The following NOTCH1 variants were observed in gnomAD, a reference collection of about 807,000 sequenced individuals.
NOTCH1 encodes the protein notch receptor 1.
A neutral mutation model predicts 254.8 loss-of-function variants in NOTCH1; 37 were observed. That is an observed-to-expected ratio of 0.15 (90% confidence interval 0.11 to 0.19). The LOEUF (loss-of-function observed/expected upper bound fraction) is 0.19, where lower values mean the gene tolerates loss of function less well. Among genes scored for constraint, NOTCH1 ranks in the 10% least tolerant of loss-of-function variants. The pLI, the probability that NOTCH1 is intolerant of heterozygous loss-of-function variation, is 1.00. For synonymous variants in NOTCH1, 1,731 were observed against 1,618.1 expected, an observed-to-expected ratio of 1.07 and a Z score of -1.68; for missense variants, 2,972 against 3,708.6, an observed-to-expected ratio of 0.80 and a Z score of 5.16.
chr9:136,511,876 C>G (rs1189434658), intron 15 of NOTCH1, among the ~76,000 whole-genome samples: 1 of 152,210 alleles, frequency 6.6e-6, no homozygotes, highest in Non-Finnish European at 1.5e-5. Context: ...CTGGCAAAGG[C>G]TATGTGGGAA....
chr9:136,510,643 G>T lies in NOTCH1; in HGVS notation c.2740+10C>A, dbSNP rs2133352818. 6.2e-7 allele frequency: 1 copy of T among 1,602,600 alleles called. No homozygotes were observed. The highest frequency in any genetic ancestry group is 8.5e-7 in the Non-Finnish European group (1 of 1,178,172). ...TTCCTGGAGGAGGCCAGAGCCGCGG[G>T]GCTACTCACTGGGCCGGCAGTCGTC... On this transcript the variant is annotated intron_variant, in intron 17 of 33. Coordinates refer to ENST00000651671, the MANE Select transcript of NOTCH1 (RefSeq NM_017617.5).
chr9:136,507,894 G>A, intron 21 of NOTCH1, 61 bp downstream of exon 21: 1 of 1,560,874 alleles, frequency 6.4e-7, no homozygotes, highest in South Asian at 1.1e-5. Flanking sequence ...CTCCCAGCCA[G>A]GGCCTGGTGT....
rs199912866 is a variant in NOTCH1 at position 136,509,882 on chromosome 9, A to T, written c.2820T>A (p.Thr940=). 5.6e-6 allele frequency: 9 copies of T among 1,613,178 alleles called. No individual in the cohort carries two copies. The East Asian group carries it at 2.0e-4, about 36-fold the overall frequency. ...ACTCGTTGATGTCCTCCTCACAGAA[A>T]GTGCCCCGGAAGCCGGGCAGGCAGT... ...FCDCLPGFRG[T]FCEEDINECA... is the part of the protein sequence containing the mutation. Residue 940 remains threonine (T), a synonymous_variant, in exon 18 of 34, where the codon ACT becomes ACA. Coordinates refer to ENST00000651671, the MANE Select transcript of NOTCH1 (RefSeq NM_017617.5).
At chr9:136,525,703 T>G (rs1199413891) in intron 2 of NOTCH1, among the ~76,000 whole-genome samples, 1 of 152,230 alleles carries the variant, frequency 6.6e-6, no homozygotes, top group Non-Finnish European at 1.5e-5. Context: ...CCCACCCCAG[T>G]GTCTCCAATC....
At position 136,513,328 on chromosome 9, in the gene NOTCH1, T is replaced by C. The variant is rs1246491911; in HGVS notation, c.2353+64A>G. On this transcript the variant is annotated intron_variant, in intron 14 of 33. Transcript: ENST00000651671. This position sits in a 1 kb window ranked among gnomAD's most constrained non-coding sequence, Gnocchi z 4.7. ...GCTGGCTGGACCTGGGTCCCGATCC[T>C]GTGTCTCCAGCTCCCCAGACTCGAG... is the stretch of plus-strand genomic sequence containing the variant. The C allele has an allele frequency of 1.9e-6, 3 of 1,608,396 alleles. No individual in the cohort carries two copies. Among genetic ancestry groups the C allele is most frequent in the African/African-American group, 2.7e-5 (2 of 74,828 alleles).
rs770824142 is a variant in NOTCH1 at position 136,519,645 on chromosome 9, G to A, written c.743-80C>T. ...CCTGGACCCCCGACACACTGCTCTG[G>A]ACACAAGAGCCTGGCCTCCACGGCC... is the stretch of plus-strand genomic sequence containing the variant. On this transcript the variant is annotated intron_variant, in intron 4 of 33. Coordinates refer to ENST00000651671, the MANE Select transcript of NOTCH1 (RefSeq NM_017617.5). 1.6e-5 allele frequency: 25 copies of A among 1,605,540 alleles called. No homozygotes were observed. The African/African-American group carries it at 3.1e-4, about 20-fold the overall frequency.
In NOTCH1 at chr9:136,517,342, G is replaced by A. The variant is rs1447723531; in HGVS notation, c.1485C>T (p.Ala495=). The A allele has an allele frequency of 3.1e-6, 5 of 1,609,292 alleles. No individual in the cohort carries two copies. The highest frequency in any genetic ancestry group is 2.5e-6 in the Non-Finnish European group (3 of 1,178,420). Residue 495 remains alanine, a synonymous_variant, in exon 9 of 34, where the codon GCC becomes GCT. Coordinates refer to ENST00000651671, the MANE Select transcript of NOTCH1 (RefSeq NM_017617.5). The part of the protein sequence containing the change: ...VHCEVNTDEC[A]SSPCLHNGRC... Reference sequence around the variant, plus strand: ...GGCCATTGTGCAGGCAGGGGCTGCTGGCACACTCGTCTGTGTTGACCTCGC... The same window carrying A: ...GGCCATTGTGCAGGCAGGGGCTGCTAGCACACTCGTCTGTGTTGACCTCGC...
chr9:136,513,430 G>C lies in NOTCH1; in HGVS notation c.2315C>G (p.Thr772Ser). The C allele has an allele frequency of 6.2e-7, 1 of 1,613,028 alleles. No individual in the cohort carries two copies. Among genetic ancestry groups the C allele is most frequent in the East Asian group, 2.2e-5 (1 of 44,892 alleles). Residue 772 changes from threonine (T) to serine (S), a missense_variant, in exon 14 of 34, where the codon ACC becomes AGC. Thr to Ser is a moderately conservative substitution (Grantham distance 58). This residue lies in a region of NOTCH1 where 1,343 missense variants were observed against 1,557.0 expected (regional missense o/e 0.86). Transcript: ENST00000651671. This position sits in a 1 kb window ranked among gnomAD's most constrained non-coding sequence, Gnocchi z 4.7. ...CVNGGTCKDM[T>S]SGYVCTCREG... ...CCGGCAGGTGCACACGTAGCCACTG[G>C]TCATGTCTTTGCAGGTGCCGCCGTT...
At position 136,498,248 on chromosome 9, in the gene NOTCH1, G is replaced by A. The variant is rs566689881; in HGVS notation, c.6180+651C>T. ...GGCAGCAGGAGTTGGGGGCGGGGGT[G>A]GGGGTTCTGGCGGCAGGGAGGTGGG... On this transcript the variant is annotated intron_variant, in intron 33 of 33. Coordinates refer to ENST00000651671, the MANE Select transcript of NOTCH1 (RefSeq NM_017617.5). Among the ~76,000 whole-genome samples the A allele has an allele frequency of 3.9e-3, 586 of 151,412 alleles. 3 individuals are homozygous for A. Among genetic ancestry groups the A allele is most frequent in the African/African-American group, 0.014 (561 of 41,216 alleles).
intron 2 of NOTCH1, among the ~76,000 whole-genome samples, chr9:136,528,686 T>C (rs1383495931): frequency 6.6e-6 from 1 of 151,738 alleles, no homozygotes; most frequent in Admixed American, 6.6e-5. Flanking sequence ...GAAATCAGCA[T>C]CTTAACACAT....
chr9:136,515,246 C>T (rs2133362134), intron 12 of NOTCH1, 44 bp downstream of exon 12: 1 of 1,582,482 alleles, frequency 6.3e-7, no homozygotes, highest in Middle Eastern at 1.7e-4. Flanking sequence ...TGACCTTGAC[C>T]TCTGAGCACA....
At chr9:136,524,065 C>T (rs1052597870) in intron 2 of NOTCH1, 86 bp from the exon 3 acceptor site, 3 of 1,501,584 alleles carry the variant, frequency 2.0e-6, no homozygotes, top group South Asian at 1.2e-5. Context: ...GTCATGGGCA[C>T]AGCCGCCTCC....
rs1843250459 is a variant in NOTCH1, at chr9:136,515,491, C to G, written c.1895G>C (p.Gly632Ala). The change falls in exon 11 of 34, where the codon GGG becomes GCG. Residue 632 changes from glycine to alanine, a missense_variant. Gly to Ala is a moderately conservative substitution (Grantham distance 60, BLOSUM62 0). Transcript: ENST00000651671. ...DNAYLCFCLK[G>A]TTGPNCEINL... ...CCCGCCTGGCCGGCCACCTGTGGTC[C>G]CCTTCAGGCAGAAGCAGAGGTAGGC... 3.7e-6 allele frequency: 6 copies of G among 1,611,904 alleles called. No individual in the cohort carries two copies. Among genetic ancestry groups the G allele is most frequent in the Non-Finnish European group, 4.2e-6 (5 of 1,179,716 alleles).
chr9:136,496,505 G>T lies in NOTCH1; in HGVS notation c.7234C>A (p.Pro2412Thr). Reference protein sequence around the residue: ...IQQQQSLQPPPPPPQPHLGVS... With the variant: ...IQQQQSLQPPTPPPQPHLGVS... ...CCAAGGTGCGGCTGTGGTGGTGGTG[G>T]TGGCGGCTGCAGGCTTTGCTGCTGC... The change falls in exon 34 of 34, where the codon CCA (proline) becomes ACA (threonine). Residue 2412 changes from proline (P) to threonine (T), a missense_variant. Coordinates refer to ENST00000651671, the MANE Select transcript of NOTCH1 (RefSeq NM_017617.5). 1 of 1,602,816 alleles carries T rather than the reference G, an allele frequency of 6.2e-7. No homozygotes were observed.
Position 136,516,068 on chromosome 9 carries a change from C to A in NOTCH1, c.1582G>T (p.Asp528Tyr), listed in dbSNP as rs757988142. Residue 528 changes from aspartate to tyrosine, a missense_variant, in exon 10 of 34, where the codon GAT becomes TAT. Asp to Tyr is a radical substitution (Grantham distance 160). Around this residue, in one of 8 missense-constraint regions of NOTCH1, gnomAD observed 128 missense variants for 193.8 expected, o/e 0.66. Coordinates refer to ENST00000651671, the MANE Select transcript of NOTCH1 (RefSeq NM_017617.5). ...TGFTGHLCQY[D>Y]VDECASTPCK... ...GGGGTGCTGGCACACTCGTCCACAT[C>A]GTACTGGCACAGATGCCCAGTGAAG... is the stretch of plus-strand genomic sequence containing the variant. 1 of 1,611,896 alleles carries A rather than the reference C, an allele frequency of 6.2e-7. No homozygotes were observed. Among genetic ancestry groups the A allele is most frequent in the Non-Finnish European group, 8.5e-7 (1 of 1,179,902 alleles).
At chr9:136,529,736 G>A (rs1277460449) in intron 2 of NOTCH1, among the ~76,000 whole-genome samples, 6 of 152,264 alleles carry the variant, frequency 3.9e-5, no homozygotes, top group Non-Finnish European at 7.3e-5. Flanking sequence ...CCCTGCAGCC[G>A]CTGGGTCTTT....
At position 136,504,774 on chromosome 9, in the gene NOTCH1, G is replaced by A. The variant is rs371365065; in HGVS notation, c.4917C>T (p.Ala1639=). The A allele has an allele frequency of 3.8e-4, 584 of 1,552,270 alleles. No individual in the cohort carries two copies. Among genetic ancestry groups the A allele is most frequent in the Non-Finnish European group, 3.6e-4 (417 of 1,148,360 alleles). Reference sequence around the variant, plus strand: ...CCTGGCCCAGCAGGGCGTCAGGTGCGGCCCAGCCCTCGGCGGCACGCTTGA... The same window carrying A: ...CCTGGCCCAGCAGGGCGTCAGGTGCAGCCCAGCCCTCGGCGGCACGCTTGA... ...HPIKRAAEGW[A]APDALLGQVK... Residue 1639 remains alanine (A), a synonymous_variant, in exon 26 of 34, where the codon GCC becomes GCT. Transcript: ENST00000651671.
chr9:136,511,023 C>G, intron 16 of NOTCH1, 129 bp downstream of exon 16: 1 of 1,466,712 alleles, frequency 6.8e-7, no homozygotes. Context: ...AGAACTTCTC[C>G]GACCAGGGCC....
chr9:136,500,866 G>A lies in NOTCH1; in HGVS notation c.5639-19C>T, dbSNP rs542364356. 26 of 1,573,788 alleles carry A rather than the reference G, an allele frequency of 1.7e-5. No individual in the cohort carries two copies. Among genetic ancestry groups the A allele is most frequent in the Non-Finnish European group, 2.1e-5 (24 of 1,167,646 alleles). On this transcript the variant is annotated intron_variant, in intron 30 of 33. Transcript: ENST00000651671. Reference sequence around the variant, plus strand: ...AAGCCATCTGCAGAGGCAGAGACGGGTGCTCAGTCTGGAGGGCCGGTCCCC... The same window carrying A: ...AAGCCATCTGCAGAGGCAGAGACGGATGCTCAGTCTGGAGGGCCGGTCCCC...
Sources: allele counts gnomAD v4.1 joint callset (sites outside exome capture counted in the v4.1 genomes callset), GRCh38; gene constraint gnomAD v4.1.1; regional missense constraint gnomAD v4.1.1; non-coding constraint Gnocchi (gnomAD v3.1); transcripts MANE v1.5; gene names NCBI Gene and HGNC (gene_info 2026-07-23, HGNC 2026-07-21).